The following PRIM2 variants were observed in gnomAD, a reference collection of about 807,000 sequenced individuals.
PRIM2 encodes DNA primase large subunit.
PRIM2 carries 39 observed loss-of-function variants against 67.3 expected under a neutral mutation model. The ratio of observed to expected loss-of-function variants is 0.58; its 90% CI spans 0.45 to 0.76. PRIM2 has a LOEUF of 0.76. PRIM2 is among the 30% of genes least tolerant of loss of function. PRIM2 has a pLI of 0.00. For missense variants in PRIM2, 398 were observed against 598.7 expected (o/e 0.66, Z 3.50); for synonymous variants, 143 against 198.7 (o/e 0.72, Z 2.36).
intron 8 of PRIM2, among the ~76,000 whole-genome samples, chr6:57,529,482 A>G (rs1372733227): frequency 6.6e-6 from 1 of 152,178 alleles, no homozygotes; most frequent in Non-Finnish European, 1.5e-5. Context: ...GCTGTGTACT[A>G]AAGTCTAAAA....
the PRIM2 span, among the ~76,000 whole-genome samples, chr6:57,246,570 T>C: frequency 6.6e-6 from 1 of 152,154 alleles, no homozygotes; most frequent in African/African-American, 2.4e-5. Context: ...TTACCCCCAA[T>C]GCACTAATCA....
the PRIM2 span, among the ~76,000 whole-genome samples, chr6:57,305,457 G>C: frequency 6.6e-6 from 1 of 152,174 alleles, no homozygotes; most frequent in African/African-American, 2.4e-5. Context: ...AGGAGCTCAT[G>C]ATCAAATAAT....
chr6:57,252,179 G>T, the PRIM2 span, among the ~76,000 whole-genome samples: 1 of 152,086 alleles, frequency 6.6e-6, no homozygotes, highest in African/African-American at 2.4e-5. Context: ...TTTACAGAAG[G>T]AAATCTTCAT....
intron 5 of PRIM2, among the ~76,000 whole-genome samples, chr6:57,339,373 A>C (rs1316833916): frequency 6.6e-6 from 1 of 152,090 alleles, no homozygotes; most frequent in Admixed American, 6.6e-5. Context: ...TTCATATGGA[A>C]CCAAAAAAGA....
chr6:57,500,577 C>T (rs1554346765), intron 7 of PRIM2, among the ~76,000 whole-genome samples: 3 of 152,128 alleles, frequency 2.0e-5, no homozygotes, highest in African/African-American at 4.8e-5. Flanking sequence ...ATAGACAAAA[C>T]GTAGGGAAGT....
intron 8 of PRIM2, among the ~76,000 whole-genome samples, chr6:57,523,193 T>C (rs1434519241): frequency 6.6e-6 from 1 of 152,250 alleles, no homozygotes; most frequent in African/African-American, 2.4e-5. Context: ...CACTCAGACA[T>C]TTCATTTGTC....
chr6:57,344,020 T>A (rs2127295890), intron 5 of PRIM2, among the ~76,000 whole-genome samples: 1 of 152,230 alleles, frequency 6.6e-6, no homozygotes, highest in African/African-American at 2.4e-5. Context: ...TTCCCTAAAC[T>A]TACTTAGCAG....
chr6:57,449,611 C>CTGTA (rs1473478184), intron 7 of PRIM2, among the ~76,000 whole-genome samples: 1 of 152,078 alleles, frequency 6.6e-6, no homozygotes, highest in African/African-American at 2.4e-5. Flanking sequence ...GGCCTTCCCT[C>CTGTA]TGTATGAATA....
At chr6:57,614,841 C>T (rs1776726144) in intron 12 of PRIM2, among the ~76,000 whole-genome samples, 1 of 151,914 alleles carries the variant, frequency 6.6e-6, no homozygotes, top group African/African-American at 2.4e-5. Flanking sequence ...CAGAGCGAGA[C>T]TCTGTCTCAA....
At chr6:57,536,130 G>A (rs1774997689) in intron 9 of PRIM2, among the ~76,000 whole-genome samples, 1 of 152,144 alleles carries the variant, frequency 6.6e-6, no homozygotes, top group Admixed American at 6.5e-5. Flanking sequence ...AGTTGTTACT[G>A]TAAAAGAATG....
rs1389433560 is a variant in PRIM2 at position 57,542,075 on chromosome 6, C to G, written c.1020+4450C>G. Among the ~76,000 whole-genome samples the G allele has an allele frequency of 1.0e-4, 15 of 148,964 alleles. No homozygotes were observed. The South Asian group carries it at 2.4e-3, about 23-fold the overall frequency. ...ACTGCAACCTCTGCCTCCCAGGGTT[C>G]AAGCAATTCTCCTGCCTCAGCCTCC... On this transcript the variant is annotated intron_variant, in intron 10 of 13. Transcript: ENST00000615550.
intron 5 of PRIM2, among the ~76,000 whole-genome samples, chr6:57,343,975 G>C (rs1768586816): frequency 1.3e-5 from 2 of 152,132 alleles, no homozygotes; most frequent in Admixed American, 1.3e-4. Flanking sequence ...AGGATCATAA[G>C]ATATTAAAGA....
At chr6:57,561,812 C>T (rs1562792086) in intron 10 of PRIM2, among the ~76,000 whole-genome samples, 1 of 152,234 alleles carries the variant, frequency 6.6e-6, no homozygotes, top group East Asian at 1.9e-4. Flanking sequence ...GCTTAGCTTT[C>T]GGCCTATCTC....
At chr6:57,347,561 C>T (rs1488073844) in intron 5 of PRIM2, among the ~76,000 whole-genome samples, 3 of 152,206 alleles carry the variant, frequency 2.0e-5, no homozygotes, top group Non-Finnish European at 4.4e-5. Flanking sequence ...ATCCTCCCAC[C>T]TCAGCCTCCC....
chr6:57,339,755 A>G (rs935909742), intron 5 of PRIM2, among the ~76,000 whole-genome samples: 47 of 152,242 alleles, frequency 3.1e-4, no homozygotes, highest in Non-Finnish European at 6.2e-4. Context: ...TAAAAACCCT[A>G]GAAGAAAACC....
the PRIM2 span, among the ~76,000 whole-genome samples, chr6:57,229,333 C>T: frequency 6.6e-6 from 1 of 152,100 alleles, no homozygotes; most frequent in Non-Finnish European, 1.5e-5. Context: ...TTCTATTCTA[C>T]AGTTTAAATT....
chr6:57,645,320 T>TTC (rs1491284908), intron 13 of PRIM2, among the ~76,000 whole-genome samples: 7 of 70,914 alleles, frequency 9.9e-5, no homozygotes, highest in African/African-American at 3.2e-4. Context: ...TACAATGTCA[T>TTC]TCACACACAC....
At chr6:57,254,534 C>T in the PRIM2 span, among the ~76,000 whole-genome samples, 2 of 152,184 alleles carry the variant, frequency 1.3e-5, no homozygotes, top group Admixed American at 6.5e-5. Flanking sequence ...AAAAGCTGAT[C>T]GAGCTAGTGC....
intron 7 of PRIM2, among the ~76,000 whole-genome samples, chr6:57,431,191 A>G (rs1252652750): frequency 6.6e-6 from 1 of 151,182 alleles, no homozygotes; most frequent in African/African-American, 2.4e-5. Flanking sequence ...GTCCAAATAG[A>G]GATTTGTACT....
Sources: gnomAD v4.1 joint callset for allele counts (sites outside exome capture counted in the v4.1 genomes callset) on GRCh38, gnomAD v4.1.1 for gene constraint, MANE v1.5 for transcripts, NCBI Gene and HGNC (gene_info 2026-07-23, HGNC 2026-07-21) for gene names.